ARHGAP24: variants seen among roughly 807,000 people sequenced by gnomAD.
ARHGAP24 encodes the protein rho GTPase-activating protein 24.
ARHGAP24 carries 50 observed loss-of-function variants against 76.4 expected under a neutral mutation model. The ratio of observed to expected loss-of-function variants is 0.65; its 90% CI spans 0.52 to 0.83. The LOEUF (loss-of-function observed/expected upper bound fraction) is 0.83, where lower values mean the gene tolerates loss of function less well. ARHGAP24 is among the 40% of genes least tolerant of loss of function. ARHGAP24 has a pLI of 0.00. For synonymous variants in ARHGAP24, 345 were observed against 323.3 expected, an observed-to-expected ratio of 1.07 and a Z score of -0.72; for missense variants, 930 against 914.2, an observed-to-expected ratio of 1.02 and a Z score of -0.22.
intron 3 of ARHGAP24, among the ~76,000 whole-genome samples, chr4:85,876,911 G>A (rs1285752311): frequency 2.0e-5 from 3 of 147,464 alleles, no homozygotes; most frequent in African/African-American, 7.6e-5. Flanking sequence ...TGGTCTGACT[G>A]TACCATTATT....
In ARHGAP24 at chr4:85,986,872, T is replaced by C. The variant is rs534954572; in HGVS notation, c.929-7711T>C. 2.0e-5 allele frequency among the ~76,000 whole-genome samples: 3 copies of C among 152,224 alleles called. No individual in the cohort carries two copies. The East Asian group carries it at 5.8e-4, about 29-fold the overall frequency. ...AGTTCTCACAAAGGTATTACCTTAG[T>C]GCTAAGATTTAAATTATGGATTAGT... On this transcript the variant is annotated intron_variant, in intron 8 of 9. Transcript: ENST00000395184.
At chr4:85,492,022 C>T (rs986203530) in intron 1 of ARHGAP24, among the ~76,000 whole-genome samples, 2 of 151,758 alleles carry the variant, frequency 1.3e-5, no homozygotes, top group African/African-American at 4.8e-5. Context: ...CATTTTGGTT[C>T]TTTTTATTTC....
chr4:85,934,328 A>G (rs1367757906), intron 4 of ARHGAP24, among the ~76,000 whole-genome samples: 3 of 152,000 alleles, frequency 2.0e-5, no homozygotes, highest in East Asian at 3.9e-4. Flanking sequence ...TCCTAAACAC[A>G]TGTCCTACAC....
intron 1 of ARHGAP24, among the ~76,000 whole-genome samples, chr4:85,550,404 T>C: frequency 6.6e-6 from 1 of 152,228 alleles, no homozygotes; most frequent in East Asian, 1.9e-4. Context: ...CGTTGGTCTA[T>C]GTATCTGTTT....
chr4:85,972,111 T>C lies in ARHGAP24; in HGVS notation c.675T>C (p.Tyr225=). The change falls in exon 6 of 10, where the codon TAT becomes TAC. Residue 225 remains tyrosine (Y), a synonymous_variant. Coordinates refer to ENST00000395184, the MANE Select transcript of ARHGAP24 (RefSeq NM_001025616.3). The part of the protein sequence containing the change: ...LRELPEPVIP[Y]AKYEDFLSCA... ...AACTTCCAGAACCAGTTATTCCTTA[T>C]GCGAAGTATGAAGATTTTTTGTCAT... 1.2e-6 allele frequency: 2 copies of C among 1,614,036 alleles called. No individual in the cohort carries two copies. The highest frequency in any genetic ancestry group is 1.7e-6 in the Non-Finnish European group (2 of 1,179,976).
intron 1 of ARHGAP24, among the ~76,000 whole-genome samples, chr4:85,547,958 C>A (rs1442553318): frequency 2.6e-5 from 4 of 152,176 alleles, no homozygotes; most frequent in Non-Finnish European, 5.9e-5. Flanking sequence ...AAAGGAAGAG[C>A]TTTCCCATGT....
At chr4:85,736,328 A>G (rs1327852314) in intron 3 of ARHGAP24, among the ~76,000 whole-genome samples, 1 of 152,206 alleles carries the variant, frequency 6.6e-6, no homozygotes, top group Non-Finnish European at 1.5e-5. Flanking sequence ...AGTGTGCAGC[A>G]AATTGCCTGA....
At chr4:85,639,142 A>G (rs973517495) in intron 2 of ARHGAP24, among the ~76,000 whole-genome samples, 2 of 152,168 alleles carry the variant, frequency 1.3e-5, no homozygotes, top group Non-Finnish European at 2.9e-5. Context: ...CCAAAAGAAG[A>G]GAATGTAGCC....
At chr4:85,742,456 A>G (rs1192363021) in intron 3 of ARHGAP24, among the ~76,000 whole-genome samples, 12 of 152,200 alleles carry the variant, frequency 7.9e-5, no homozygotes, top group Admixed American at 1.3e-4. Flanking sequence ...TTTCTGAATA[A>G]CAGAATTACC....
chr4:85,609,232 T>A (rs1720304411), intron 2 of ARHGAP24, among the ~76,000 whole-genome samples: 1 of 152,212 alleles, frequency 6.6e-6, no homozygotes, highest in African/African-American at 2.4e-5. Flanking sequence ...ATAGAATATA[T>A]GGGGTATTGC....
In ARHGAP24 at chr4:85,692,634, A is replaced by G. The variant is rs191470367; in HGVS notation, c.181-29251A>G. Among the ~76,000 whole-genome samples, 240 of 152,290 alleles carry G rather than the reference A, an allele frequency of 1.6e-3. 1 individual carries two copies. Among genetic ancestry groups the G allele is most frequent in the African/African-American group, 5.6e-3 (231 of 41,558 alleles). On this transcript the variant is annotated intron_variant, in intron 2 of 9. Transcript: ENST00000395184. ...CTTCTGTTAATATTTTGATTGTATT[A>G]TGAAATTCTTGTGAATTTTTCAGCT...
chr4:85,999,797 A>G (rs570946614), intron 9 of ARHGAP24: 1 of 152,362 alleles, frequency 6.6e-6, no homozygotes, highest in Non-Finnish European at 1.5e-5. Context: ...TTATAGAGAT[A>G]TAAAATACCT....
chr4:85,787,231 T>C (rs1453973433), intron 3 of ARHGAP24, among the ~76,000 whole-genome samples: 1 of 152,220 alleles, frequency 6.6e-6, no homozygotes, highest in Non-Finnish European at 1.5e-5. Context: ...TCTTCCCTTT[T>C]GGTAAAATAT....
intron 3 of ARHGAP24, among the ~76,000 whole-genome samples, chr4:85,884,863 T>A (rs1321458807): frequency 6.6e-6 from 1 of 152,168 alleles, no homozygotes; most frequent in African/African-American, 2.4e-5. Flanking sequence ...TTATTTCAAT[T>A]TACTGTCTGA....
chr4:85,882,253 G>A (rs1274125898), intron 3 of ARHGAP24, among the ~76,000 whole-genome samples: 1 of 152,128 alleles, frequency 6.6e-6, no homozygotes, highest in African/African-American at 2.4e-5. Flanking sequence ...TAAGTTTATT[G>A]ATTCTCAGTT....
intron 1 of ARHGAP24, among the ~76,000 whole-genome samples, chr4:85,485,991 G>A (rs1313150490): frequency 3.9e-5 from 6 of 151,916 alleles, no homozygotes; most frequent in Admixed American, 1.3e-4. Flanking sequence ...CACTCACCTC[G>A]GCCTCCCAAA....
At chr4:85,815,621 T>C (rs1022060201) in intron 3 of ARHGAP24, among the ~76,000 whole-genome samples, 2 of 152,248 alleles carry the variant, frequency 1.3e-5, no homozygotes, top group African/African-American at 4.8e-5. Flanking sequence ...CATATGGCTA[T>C]CAGACTTTTG....
At chr4:85,506,944 A>C (rs1209896711) in intron 1 of ARHGAP24, among the ~76,000 whole-genome samples, 1 of 152,166 alleles carries the variant, frequency 6.6e-6, no homozygotes, top group Admixed American at 6.5e-5. Flanking sequence ...TAGGTAAAAC[A>C]CACATTTAGA....
At chr4:85,943,415 G>A (rs763979925) in intron 5 of ARHGAP24, among the ~76,000 whole-genome samples, 2 of 152,134 alleles carry the variant, frequency 1.3e-5, no homozygotes, top group Non-Finnish European at 2.9e-5. Context: ...TTTTCACTGT[G>A]CCCTCAGATG....
Sources: gnomAD v4.1 joint callset for allele counts (sites outside exome capture counted in the v4.1 genomes callset) on GRCh38, gnomAD v4.1.1 for gene constraint, MANE v1.5 for transcripts, NCBI Gene and HGNC (gene_info 2026-07-23, HGNC 2026-07-21) for gene names.